Variants in PTPRT observed in about 807,000 individuals in gnomAD.
PTPRT encodes the protein receptor-type tyrosine-protein phosphatase T.
Under a neutral mutation model 176.8 loss-of-function variants are expected in PTPRT, and 56 were observed. That is an observed-to-expected ratio of 0.32 (90% CI 0.26 to 0.40). The LOEUF is 0.40. PTPRT is among the 10% of genes least tolerant of loss of function. The pLI is 1.00. For synonymous variants in PTPRT, 783 were observed against 739.0 expected (o/e 1.06, Z -0.96); for missense variants, 1,540 against 1,908.2 (o/e 0.81, Z 3.60).
chr20:42,442,388 C>G (rs1009738535), intron 9 of PTPRT, among the ~76,000 whole-genome samples: 3 of 152,212 alleles, frequency 2.0e-5, no homozygotes, highest in Non-Finnish European at 4.4e-5. Context: ...TTTAAAGGCG[C>G]TCCCATACAG....
intron 14 of PTPRT, among the ~76,000 whole-genome samples, chr20:42,237,728 A>T (rs2146865154): frequency 6.6e-6 from 1 of 152,318 alleles, no homozygotes; most frequent in Admixed American, 6.5e-5. Flanking sequence ...CTTTGTTATA[A>T]CTTTTCTTAT....
Position 42,373,064 on chromosome 20 carries a change from G to A in PTPRT, c.1561-20779C>T, listed in dbSNP as rs1402607924. ...GGGATCTCAGTGAAATAGGGCCTAT[G>A]GAGGACACGCACATTTTGCTGAGTA... On this transcript the variant is annotated intron_variant, in intron 9 of 30. Coordinates refer to ENST00000373187, the MANE Select transcript of PTPRT (RefSeq NM_007050.6). Among the ~76,000 whole-genome samples the A allele has an allele frequency of 2.0e-5, 3 of 152,248 alleles. No homozygotes were observed. The East Asian group carries it at 5.8e-4, about 29-fold the overall frequency.
intron 1 of PTPRT, among the ~76,000 whole-genome samples, chr20:42,925,929 C>T (rs1333483294): frequency 6.6e-6 from 1 of 152,212 alleles, no homozygotes; most frequent in Admixed American, 6.5e-5. Context: ...TTTCCGACCC[C>T]AGACATTCCC....
downstream of PTPRT, among the ~76,000 whole-genome samples, chr20:42,070,526 C>T (rs1330200419): frequency 6.6e-6 from 1 of 151,872 alleles, no homozygotes; most frequent in East Asian, 1.9e-4. Context: ...ACTTGAAGCA[C>T]CCAAAATAGC....
chr20:42,319,214 C>T (rs1010426544), intron 11 of PTPRT, among the ~76,000 whole-genome samples: 1 of 151,690 alleles, frequency 6.6e-6, no homozygotes, highest in Admixed American at 6.6e-5. Context: ...GGTCAAACTG[C>T]AGCAAAAGTA....
intron 1 of PTPRT, among the ~76,000 whole-genome samples, chr20:42,972,702 A>AAAAG (rs1982725750): frequency 1.3e-5 from 2 of 148,250 alleles, no homozygotes; most frequent in African/African-American, 5.1e-5. Context: ...AAAAAAAGGA[A>AAAAG]GAAGAAGAAT....
rs574009109 is a variant in PTPRT, at chr20:42,251,056, T to C, written c.2177-2234A>G. On this transcript the variant is annotated intron_variant, in intron 13 of 30. Coordinates refer to ENST00000373187, the MANE Select transcript of PTPRT (RefSeq NM_007050.6). Reference sequence around the variant, plus strand: ...GCCCCCATTTCCCAGGCTGGAGACATGATTTCTGAGATGTGGCTAATCCAC... The same window carrying C: ...GCCCCCATTTCCCAGGCTGGAGACACGATTTCTGAGATGTGGCTAATCCAC... Among the ~76,000 whole-genome samples the C allele has an allele frequency of 2.0e-5, 3 of 152,284 alleles. No individual in the cohort carries two copies. In the South Asian group the frequency reaches 6.2e-4, roughly 32 times the overall value.
At chr20:42,777,408 C>T (rs916858067) in intron 4 of PTPRT, among the ~76,000 whole-genome samples, 2 of 152,136 alleles carry the variant, frequency 1.3e-5, no homozygotes, top group Non-Finnish European at 2.9e-5. Context: ...ACTGTGAACT[C>T]CCTCCTGTGA....
At position 43,023,001 on chromosome 20, in the gene PTPRT, T is replaced by A. The variant is rs184705099; in HGVS notation, c.89-137069A>T. Among the ~76,000 whole-genome samples, 48 of 152,322 alleles carry A rather than the reference T, an allele frequency of 3.2e-4. No individual in the cohort carries two copies. The East Asian group carries it at 9.1e-3, about 29-fold the overall frequency. ...ATGGTTCCAGGGGCAAAGGCCCTCATAGCAAGGGCAGGTCCCTCCAGCCTA... is the reference window on the plus strand; with the variant it reads ...ATGGTTCCAGGGGCAAAGGCCCTCAAAGCAAGGGCAGGTCCCTCCAGCCTA... On this transcript the variant is annotated intron_variant, in intron 1 of 30. Coordinates refer to ENST00000373187, the MANE Select transcript of PTPRT (RefSeq NM_007050.6).
chr20:42,670,815 T>C (rs1357907775), intron 7 of PTPRT, among the ~76,000 whole-genome samples: 3 of 152,134 alleles, frequency 2.0e-5, no homozygotes, highest in African/African-American at 7.2e-5. Flanking sequence ...CGGAGTGGCC[T>C]GGGGTCTGCG....
intron 6 of PTPRT, among the ~76,000 whole-genome samples, chr20:42,697,802 G>A (rs2075905755): frequency 6.6e-6 from 1 of 152,184 alleles, no homozygotes; most frequent in African/African-American, 2.4e-5. Flanking sequence ...ATTCAATGGG[G>A]CACATTGATG....
At chr20:42,657,496 T>C (rs1334132544) in intron 7 of PTPRT, among the ~76,000 whole-genome samples, 1 of 152,180 alleles carries the variant, frequency 6.6e-6, no homozygotes. Context: ...GTGGTGGCAT[T>C]CCCTGGGATT....
intron 9 of PTPRT, among the ~76,000 whole-genome samples, chr20:42,419,985 G>A (rs1299547049): frequency 6.6e-6 from 1 of 152,128 alleles, no homozygotes; most frequent in Non-Finnish European, 1.5e-5. Flanking sequence ...CTGTGAAAAA[G>A]CCACGGCACA....
At chr20:42,396,206 C>G (rs2058847639) in intron 9 of PTPRT, among the ~76,000 whole-genome samples, 1 of 152,204 alleles carries the variant, frequency 6.6e-6, no homozygotes, top group Non-Finnish European at 1.5e-5. Flanking sequence ...TTTGCTCAGT[C>G]TAAAATACCT....
chr20:43,070,984 A>C (rs1050762713), intron 1 of PTPRT, among the ~76,000 whole-genome samples: 1 of 151,764 alleles, frequency 6.6e-6, no homozygotes, highest in Non-Finnish European at 1.5e-5. Flanking sequence ...AAAAAAAAAA[A>C]AAAGAACTGC....
At chr20:42,864,741 C>T (rs943464014) in intron 2 of PTPRT, among the ~76,000 whole-genome samples, 1 of 152,136 alleles carries the variant, frequency 6.6e-6, no homozygotes, top group Non-Finnish European at 1.5e-5. Context: ...GAATCAAAGA[C>T]CAAGGTTATC....
chr20:42,693,832 G>T (rs1014409478), intron 6 of PTPRT, among the ~76,000 whole-genome samples: 1 of 151,970 alleles, frequency 6.6e-6, no homozygotes, highest in Admixed American at 6.6e-5. Flanking sequence ...GACCACAAGG[G>T]TTTCTCACGC....
chr20:42,234,283 C>T (rs555691512), intron 15 of PTPRT, among the ~76,000 whole-genome samples: 24 of 152,280 alleles, frequency 1.6e-4, no homozygotes, highest in African/African-American at 5.5e-4. Flanking sequence ...GTGAGTCAGG[C>T]ACCATTACCC....
intron 7 of PTPRT, among the ~76,000 whole-genome samples, chr20:42,524,321 T>G (rs1205997298): frequency 1.3e-5 from 2 of 152,236 alleles, no homozygotes; most frequent in African/African-American, 4.8e-5. Flanking sequence ...TAAAATGCTT[T>G]GACTTTCCTA....
Sources: allele counts gnomAD v4.1 joint callset (sites outside exome capture counted in the v4.1 genomes callset), GRCh38; gene constraint gnomAD v4.1.1; transcripts MANE v1.5; gene names NCBI Gene and HGNC (gene_info 2026-07-23, HGNC 2026-07-21).